Variants in STIM2 observed in about 807,000 individuals in gnomAD.
STIM2 encodes the protein stromal interaction molecule 2.
In STIM2, 31 loss-of-function variants were observed where a neutral mutation model predicts 85.8. The ratio of observed to expected loss-of-function variants is 0.36; its 90% confidence interval spans 0.27 to 0.49. The LOEUF (loss-of-function observed/expected upper bound fraction) is 0.49, where lower values mean the gene tolerates loss of function less well. STIM2 is among the 20% of genes least tolerant of loss of function. The probability of loss-of-function intolerance (pLI) is 0.98; values close to 1 mark genes in which losing one functional copy is unlikely to be tolerated. For synonymous variants in STIM2, 356 were observed against 331.1 expected, an observed-to-expected ratio of 1.08 and a Z score of -0.82; for missense variants, 841 against 927.6, an observed-to-expected ratio of 0.91 and a Z score of 1.21.
chr4:26,990,732 A>T (rs1421866714), intron 3 of STIM2, among the ~76,000 whole-genome samples: 3 of 152,180 alleles, frequency 2.0e-5, no homozygotes, highest in Non-Finnish European at 2.9e-5. Flanking sequence ...GAACTCAAAC[A>T]GCTCAATAGC....
intron 2 of STIM2, among the ~76,000 whole-genome samples, chr4:26,927,969 A>G (rs182078141): frequency 7.9e-5 from 12 of 151,260 alleles, no homozygotes; most frequent in African/African-American, 1.5e-4. Context: ...AATGAACAGA[A>G]ATTTATTGAC....
chr4:26,946,168 G>C (rs1725826226), intron 2 of STIM2, among the ~76,000 whole-genome samples: 1 of 152,162 alleles, frequency 6.6e-6, no homozygotes, highest in Non-Finnish European at 1.5e-5. Flanking sequence ...TAAAGATAGT[G>C]TTGCAGATTA....
chr4:26,975,393 C>CT (rs1186841209), intron 3 of STIM2, among the ~76,000 whole-genome samples: 1 of 152,162 alleles, frequency 6.6e-6, no homozygotes, highest in Non-Finnish European at 1.5e-5. Flanking sequence ...TACTTTTGGT[C>CT]TTTGATGTTC....
intron 10 of STIM2, among the ~76,000 whole-genome samples, chr4:27,011,428 C>G (rs79508581): frequency 0.024 from 3,689 of 152,224 alleles, 137 homozygotes; most frequent in African/African-American, 0.078. Flanking sequence ...AAACAATGTG[C>G]AACAAGCATC....
At chr4:27,012,996 G>A (rs1449277629) in intron 10 of STIM2, among the ~76,000 whole-genome samples, 1 of 151,950 alleles carries the variant, frequency 6.6e-6, no homozygotes, top group Non-Finnish European at 1.5e-5. Context: ...TTGTCACAAT[G>A]TACAATTTTT....
At chr4:26,940,249 A>G (rs909567727) in intron 2 of STIM2, among the ~76,000 whole-genome samples, 1 of 152,168 alleles carries the variant, frequency 6.6e-6, no homozygotes, top group Non-Finnish European at 1.5e-5. Flanking sequence ...CCTTTCCTCC[A>G]CCATAAGTGT....
chr4:26,873,154 C>G (rs1722689824), intron 1 of STIM2, among the ~76,000 whole-genome samples: 1 of 152,176 alleles, frequency 6.6e-6, no homozygotes, highest in Non-Finnish European at 1.5e-5. Flanking sequence ...AATCCCCACA[C>G]TTTGGGAGGC....
At chr4:26,871,121 C>T (rs1021684002) in intron 1 of STIM2, among the ~76,000 whole-genome samples, 1 of 152,156 alleles carries the variant, frequency 6.6e-6, no homozygotes, top group Non-Finnish European at 1.5e-5. Context: ...GTTCGCAGTG[C>T]AGCAGCATCC....
intron 2 of STIM2, among the ~76,000 whole-genome samples, chr4:26,929,602 G>A (rs1463449769): frequency 2.6e-5 from 4 of 151,774 alleles, no homozygotes; most frequent in East Asian, 3.9e-4. Context: ...AAAGTATTTA[G>A]CATTTGAAAA....
At position 26,999,262 on chromosome 4, in the gene STIM2, C is replaced by A. The variant is rs775191718; in HGVS notation, c.540C>A (p.Ile180=). The A allele has an allele frequency of 3.7e-6, 6 of 1,608,714 alleles. No individual in the cohort carries two copies. In the Admixed American group the frequency reaches 5.1e-5, roughly 14 times the overall value. Residue 180 remains isoleucine (I), a synonymous_variant, in exon 5 of 12, where the codon ATC becomes ATA. Transcript: ENST00000467087. ...CAGTGCACGAACCTTCATTTATGAT[C>A]TCCCAGTTGAAAATCAGTGACCGGA...
chr4:26,964,141 G>A (rs1726616553), intron 3 of STIM2, among the ~76,000 whole-genome samples: 2 of 152,134 alleles, frequency 1.3e-5, no homozygotes, highest in African/African-American at 4.8e-5. Context: ...CAGAGAAGGA[G>A]ACCAGACTGT....
intron 10 of STIM2, 39 bp downstream of exon 10, chr4:27,009,041 T>C: frequency 6.4e-7 from 1 of 1,570,904 alleles, no homozygotes; most frequent in Non-Finnish European, 8.7e-7. Flanking sequence ...GGTACAGGTT[T>C]TAAAGTAATT....
intron 2 of STIM2, among the ~76,000 whole-genome samples, chr4:26,928,867 T>C (rs1725092980): frequency 6.6e-6 from 1 of 152,226 alleles, no homozygotes; most frequent in East Asian, 1.9e-4. Flanking sequence ...TTCTTTGATA[T>C]GAGAGGTGAA....
At chr4:26,922,775 T>C (rs963897912) in intron 2 of STIM2, among the ~76,000 whole-genome samples, 1 of 152,154 alleles carries the variant, frequency 6.6e-6, no homozygotes. Context: ...TGAAACTATT[T>C]AGGGCCCTAT....
intron 10 of STIM2, 40 bp from the exon 11 acceptor site, chr4:27,017,671 C>T: frequency 6.2e-7 from 1 of 1,608,728 alleles, no homozygotes; most frequent in Non-Finnish European, 8.5e-7. Context: ...AAAGGGAACC[C>T]TGGACTTCAT....
intron 11 of STIM2, 56 bp downstream of exon 11, chr4:27,018,040 T>G: frequency 1.9e-6 from 3 of 1,580,674 alleles, no homozygotes; most frequent in East Asian, 2.2e-5. Flanking sequence ...GGGTAAGGTG[T>G]GAGGAGGGGG....
intron 3 of STIM2, among the ~76,000 whole-genome samples, chr4:26,986,581 A>G (rs1727594367): frequency 6.6e-6 from 1 of 152,226 alleles, no homozygotes; most frequent in Non-Finnish European, 1.5e-5. Context: ...TTTATCTTTT[A>G]TACTGATTTG....
intron 2 of STIM2, among the ~76,000 whole-genome samples, chr4:26,939,304 C>T (rs1016439609): frequency 6.6e-6 from 1 of 152,034 alleles, no homozygotes; most frequent in Non-Finnish European, 1.5e-5. Context: ...GGAGGATTCA[C>T]CTTGCCTCTT....
At chr4:26,997,442 C>T (rs564546535) in intron 4 of STIM2, among the ~76,000 whole-genome samples, 97 of 152,294 alleles carry the variant, frequency 6.4e-4, no homozygotes, top group South Asian at 2.9e-3. Flanking sequence ...TATACTAAGG[C>T]TGTCTTCACC....
Sources: allele counts gnomAD v4.1 joint callset (sites outside exome capture counted in the v4.1 genomes callset), GRCh38; gene constraint gnomAD v4.1.1; transcripts MANE v1.5; gene names NCBI Gene and HGNC (gene_info 2026-07-23, HGNC 2026-07-21).